TOX: variants seen among roughly 807,000 people sequenced by gnomAD.
TOX encodes the protein thymocyte selection-associated high mobility group box protein TOX.
A neutral mutation model predicts 53.7 loss-of-function variants in TOX; 11 were observed. The observed-to-expected ratio is 0.20, with a 90% CI of 0.13 to 0.34. The LOEUF is 0.34. TOX is among the 10% of genes least tolerant of loss of function. The pLI is 1.00. For synonymous variants in TOX, 225 were observed against 245.3 expected (o/e 0.92, Z 0.77); for missense variants, 570 against 664.6 (o/e 0.86, Z 1.56).
At chr8:58,942,883 G>C (rs1356694954) in intron 2 of TOX, among the ~76,000 whole-genome samples, 1 of 152,012 alleles carries the variant, frequency 6.6e-6, no homozygotes, top group Non-Finnish European at 1.5e-5. Flanking sequence ...CATCTCTCTT[G>C]CTTCTTCTCT....
intron 3 of TOX, among the ~76,000 whole-genome samples, chr8:58,885,203 T>C (rs574330428): frequency 6.6e-6 from 1 of 152,274 alleles, no homozygotes; most frequent in South Asian, 2.1e-4. Flanking sequence ...AAAAAATTTA[T>C]ATTCTCTATC....
At position 58,815,347 on chromosome 8, in the gene TOX, G is replaced by C. The variant is rs1439168293; in HGVS notation, c.1383C>G (p.Thr461=). Residue 461 remains threonine (T), a synonymous_variant, in exon 7 of 9, where the codon ACC becomes ACG. Transcript: ENST00000361421. Reference sequence around the variant, plus strand: ...GAGCCATTGCACTTACTTGCTGCATGGTGGGTGAGTGTAAGGCAGACTGGA... The same window carrying C: ...GAGCCATTGCACTTACTTGCTGCATCGTGGGTGAGTGTAAGGCAGACTGGA... ...MQVQSALHSP[T]MQQGFTLQPD... 6.3e-7 allele frequency: 1 copy of C among 1,598,024 alleles called. No homozygotes were observed.
chr8:58,933,735 G>A (rs1563393552), intron 3 of TOX, among the ~76,000 whole-genome samples: 2 of 152,166 alleles, frequency 1.3e-5, no homozygotes, highest in Non-Finnish European at 2.9e-5. Context: ...GGATCATGGA[G>A]ATCAACTAGT....
At chr8:58,846,893 G>A (rs1810727926) in intron 4 of TOX, among the ~76,000 whole-genome samples, 1 of 152,136 alleles carries the variant, frequency 6.6e-6, no homozygotes, top group South Asian at 2.1e-4. Flanking sequence ...TCCCTTGTAT[G>A]TGACCTCCCA....
chr8:58,862,553 A>C (rs1457178399), intron 3 of TOX, among the ~76,000 whole-genome samples: 1 of 152,162 alleles, frequency 6.6e-6, no homozygotes, highest in Non-Finnish European at 1.5e-5. Flanking sequence ...AAAGGGTTAA[A>C]AACCTATTAA....
intron 1 of TOX, among the ~76,000 whole-genome samples, chr8:59,023,663 A>G (rs1814180944): frequency 1.3e-5 from 2 of 152,124 alleles, no homozygotes; most frequent in Admixed American, 1.3e-4. Context: ...TGCCAACCCA[A>G]CTTATTTGCT....
intron 2 of TOX, among the ~76,000 whole-genome samples, chr8:58,955,850 T>C (rs1186363328): frequency 6.6e-6 from 1 of 151,266 alleles, no homozygotes; most frequent in Non-Finnish European, 1.5e-5. Context: ...TTCTCCTGCC[T>C]CAGCCTCCCG....
intron 1 of TOX, among the ~76,000 whole-genome samples, chr8:59,092,902 G>GGT (rs1352852311): frequency 6.6e-6 from 1 of 152,146 alleles, no homozygotes; most frequent in East Asian, 1.9e-4. Context: ...TAAGTGCCCA[G>GGT]TAAATATTCA....
intron 4 of TOX, among the ~76,000 whole-genome samples, chr8:58,845,694 G>T (rs979401094): frequency 2.0e-5 from 3 of 152,016 alleles, no homozygotes; most frequent in Non-Finnish European, 4.4e-5. Context: ...CATTTTTAAG[G>T]ATCTTTGATT....
chr8:59,113,421 G>C (rs1459407350), intron 1 of TOX, among the ~76,000 whole-genome samples: 1 of 152,138 alleles, frequency 6.6e-6, no homozygotes, highest in Non-Finnish European at 1.5e-5. Context: ...ATTCAGGTAG[G>C]GGGGATGGGG....
chr8:58,811,355 G>T (rs1457968503), intron 7 of TOX, among the ~76,000 whole-genome samples: 1 of 152,194 alleles, frequency 6.6e-6, no homozygotes, highest in East Asian at 1.9e-4. Flanking sequence ...GTGCCAGATT[G>T]AAATAAAAAT....
At chr8:58,984,257 C>A (rs1813280824) in intron 1 of TOX, among the ~76,000 whole-genome samples, 1 of 152,038 alleles carries the variant, frequency 6.6e-6, no homozygotes, top group Admixed American at 6.5e-5. Flanking sequence ...ATTTGTAAAT[C>A]ATATATATCT....
chr8:59,103,571 T>C (rs999020980), intron 1 of TOX, among the ~76,000 whole-genome samples: 1 of 152,226 alleles, frequency 6.6e-6, no homozygotes, highest in Non-Finnish European at 1.5e-5. Flanking sequence ...TTCTAAGACC[T>C]ATGTAGATTG....
Position 59,117,278 on chromosome 8 carries a change from T to G in TOX, c.102+1608A>C, listed in dbSNP as rs1184740746. On this transcript the variant is annotated intron_variant, in intron 1 of 8. Coordinates refer to ENST00000361421, the MANE Select transcript of TOX (RefSeq NM_014729.3). This position sits in a 1 kb window ranked among gnomAD's most constrained non-coding sequence, Gnocchi z 4.6. ...CTTGAGTGTACAGACAAAACAGATT[T>G]TAGACTAAAAGAACTATGTCACCAG... is the stretch of plus-strand genomic sequence containing the variant. Among the ~76,000 whole-genome samples, 1 of 152,200 alleles carries G rather than the reference T, an allele frequency of 6.6e-6. No individual in the cohort carries two copies. The highest frequency in any genetic ancestry group is 1.5e-5 in the Non-Finnish European group (1 of 68,042).
At chr8:59,077,976 C>A (rs1804323064) in intron 1 of TOX, among the ~76,000 whole-genome samples, 1 of 151,844 alleles carries the variant, frequency 6.6e-6, no homozygotes, top group Admixed American at 6.6e-5. Context: ...GCGCTGTTCA[C>A]AGGGAGAAGA....
chr8:59,093,795 C>T (rs1328689753), intron 1 of TOX, among the ~76,000 whole-genome samples: 1 of 152,048 alleles, frequency 6.6e-6, no homozygotes, highest in Non-Finnish European at 1.5e-5. Context: ...CCTAATAATC[C>T]AACCTTTAAA....
chr8:58,859,497 A>G (rs1369636320), intron 3 of TOX, among the ~76,000 whole-genome samples: 1 of 152,214 alleles, frequency 6.6e-6, no homozygotes, highest in African/African-American at 2.4e-5. Flanking sequence ...ACAATAGAAT[A>G]CCTGTAGTTT....
chr8:58,972,977 A>G (rs542432260), intron 1 of TOX, among the ~76,000 whole-genome samples: 76 of 152,362 alleles, frequency 5.0e-4, no homozygotes, highest in Admixed American at 1.8e-3. Context: ...TGAGATATTA[A>G]ACTTGCAACA....
intron 6 of TOX, among the ~76,000 whole-genome samples, chr8:58,823,895 G>A (rs1162203726): frequency 4.6e-5 from 7 of 152,168 alleles, no homozygotes; most frequent in Admixed American, 4.6e-4. Context: ...GTCATATTTG[G>A]GGAAATGAAT....
Sources: gnomAD v4.1 joint callset for allele counts (sites outside exome capture counted in the v4.1 genomes callset) on GRCh38, gnomAD v4.1.1 for gene constraint, Gnocchi (gnomAD v3.1) non-coding constraint, MANE v1.5 for transcripts, NCBI Gene and HGNC (gene_info 2026-07-23, HGNC 2026-07-21) for gene names.